IGF2BP3: variants seen among roughly 807,000 people sequenced by gnomAD.
The protein encoded by IGF2BP3 is insulin like growth factor 2 mRNA binding protein 3, also known as insulin-like growth factor 2 mRNA-binding protein 3.
In IGF2BP3, 9 loss-of-function variants were observed where a neutral mutation model predicts 73.8. The ratio of observed to expected loss-of-function variants is 0.12; its 90% CI spans 0.07 to 0.21. The LOEUF (loss-of-function observed/expected upper bound fraction) is 0.21, where lower values mean the gene tolerates loss of function less well. IGF2BP3 is among the 10% of genes least tolerant of loss of function. The pLI is 1.00. For synonymous variants in IGF2BP3, 258 were observed against 256.7 expected (o/e 1.01, Z -0.05); for missense variants, 542 against 714.0 (o/e 0.76, Z 2.75).
At chr7:23,319,445 A>G (rs1481190141) in intron 10 of IGF2BP3, among the ~76,000 whole-genome samples, 191 bp from the exon 11 acceptor site, 1 of 152,216 alleles carries the variant, frequency 6.6e-6, no homozygotes, top group African/African-American at 2.4e-5. Flanking sequence ...TCCTGAAAAC[A>G]GTGGTATTTA....
At chr7:23,393,334 A>G (rs1022827306) in intron 3 of IGF2BP3, among the ~76,000 whole-genome samples, 1 of 152,210 alleles carries the variant, frequency 6.6e-6, no homozygotes, top group African/African-American at 2.4e-5. Flanking sequence ...ATTATTAATA[A>G]CTAAAAGCTA....
intron 10 of IGF2BP3, among the ~76,000 whole-genome samples, chr7:23,322,071 G>A (rs150340329): frequency 9.3e-4 from 142 of 152,348 alleles, no homozygotes; most frequent in African/African-American, 3.0e-3. Context: ...AAAGCTGGAC[G>A]GAGAGTGACT....
rs536895424 is a variant in IGF2BP3 at position 23,336,492 on chromosome 7, C to T, written c.1203+5572G>A. Among the ~76,000 whole-genome samples, 4 of 150,400 alleles carry T rather than the reference C, an allele frequency of 2.7e-5. No individual in the cohort carries two copies. The East Asian group carries it at 7.8e-4, about 29-fold the overall frequency. ...ATCATAGACCCTCACAAACATAAAA[C>T]AGTATGTTCTTTTTTTCTCTTCTTT... is the stretch of plus-strand genomic sequence containing the variant. On this transcript the variant is annotated intron_variant, in intron 10 of 14. Coordinates refer to ENST00000258729, the MANE Select transcript of IGF2BP3 (RefSeq NM_006547.3).
In IGF2BP3 at chr7:23,406,762, T is replaced by C. The variant is rs531006588; in HGVS notation, c.285+12014A>G. 3.9e-5 allele frequency among the ~76,000 whole-genome samples: 6 copies of C among 152,330 alleles called. No individual in the cohort carries two copies. The East Asian group carries it at 7.7e-4, about 20-fold the overall frequency. ...ATTGGTCCATTTTACAGAGTGCTGA[T>C]TGGTCCATTTACAAACCCTTAGCTA... is the stretch of plus-strand genomic sequence containing the variant. On this transcript the variant is annotated intron_variant, in intron 3 of 14. Transcript: ENST00000258729.
chr7:23,448,780 A>C (rs189847223), intron 2 of IGF2BP3, among the ~76,000 whole-genome samples: 5 of 152,150 alleles, frequency 3.3e-5, no homozygotes, highest in East Asian at 3.9e-4. Context: ...ACAGGCCACA[A>C]CACCACACCT....
chr7:23,422,241 T>A (rs1787370213), intron 2 of IGF2BP3, among the ~76,000 whole-genome samples: 3 of 152,192 alleles, frequency 2.0e-5, no homozygotes, highest in African/African-American at 7.2e-5. Context: ...TTCAGGTTAA[T>A]TAGCATGTGA....
chr7:23,404,748 T>C (rs1376163788), intron 3 of IGF2BP3, among the ~76,000 whole-genome samples: 1 of 133,956 alleles, frequency 7.5e-6, no homozygotes, highest in Non-Finnish European at 1.6e-5. Flanking sequence ...GAAATCAAAA[T>C]ACGGCAAGTG....
chr7:23,426,942 T>C (rs1787528642), intron 2 of IGF2BP3, among the ~76,000 whole-genome samples: 1 of 152,246 alleles, frequency 6.6e-6, no homozygotes, highest in African/African-American at 2.4e-5. Context: ...AATATTTGGA[T>C]GCTCTGAAGC....
chr7:23,313,739 T>A, intron 12 of IGF2BP3, 86 bp from the exon 13 acceptor site: 1 of 1,341,130 alleles, frequency 7.5e-7, no homozygotes, highest in South Asian at 1.3e-5. Flanking sequence ...CAAATCCAAG[T>A]GGGATAGCCC....
Position 23,448,615 on chromosome 7 carries a change from C to CTGTTTGTT in IGF2BP3, c.236+19859_236+19866dup, listed in dbSNP as rs36159876. ...TGAGGGTCTCACTATGTTGCCCAGG[C>CTGTTTGTT]TGTTTGTTTGTTTGTTTGTTTGTTT... is the stretch of plus-strand genomic sequence containing the variant. On this transcript the variant is annotated intron_variant, in intron 2 of 14. Transcript: ENST00000258729. Among the ~76,000 whole-genome samples the CTGTTTGTT allele has an allele frequency of 1.7e-3, 263 of 151,072 alleles. 1 individual carries two copies. Among genetic ancestry groups the CTGTTTGTT allele is most frequent in the African/African-American group, 5.9e-3 (242 of 41,082 alleles).
chr7:23,378,569 G>GTTTTTTTTTTTT (rs1156868701), intron 3 of IGF2BP3, among the ~76,000 whole-genome samples: 2 of 65,884 alleles, frequency 3.0e-5, no homozygotes, highest in Non-Finnish European at 5.1e-5. Flanking sequence ...ATTTTTGCTT[G>GTTTTTTTTTTTT]TTTTTTTTTT....
chr7:23,451,246 G>T (rs1456048195), intron 2 of IGF2BP3, among the ~76,000 whole-genome samples: 2 of 151,676 alleles, frequency 1.3e-5, no homozygotes, highest in Non-Finnish European at 2.9e-5. Context: ...GGTGAAACCT[G>T]GTCTCTACTA....
At chr7:23,355,311 A>C (rs1785067999) in intron 5 of IGF2BP3, among the ~76,000 whole-genome samples, 1 of 147,750 alleles carries the variant, frequency 6.8e-6, no homozygotes, top group African/African-American at 2.5e-5. Context: ...TGCAACCTCC[A>C]CCTCCTTGGT....
chr7:23,412,272 C>T (rs1365081736), intron 3 of IGF2BP3, among the ~76,000 whole-genome samples: 2 of 152,118 alleles, frequency 1.3e-5, no homozygotes, highest in Admixed American at 6.6e-5. Flanking sequence ...CCTGAGCCAC[C>T]ATACCAGGCC....
chr7:23,430,361 C>T (rs1016078673), intron 2 of IGF2BP3, among the ~76,000 whole-genome samples: 8 of 152,204 alleles, frequency 5.3e-5, no homozygotes, highest in African/African-American at 1.4e-4. Flanking sequence ...GGAGCCACCG[C>T]GCCCAGCTGC....
chr7:23,333,391 G>A (rs1051494129), intron 10 of IGF2BP3, among the ~76,000 whole-genome samples: 1 of 152,120 alleles, frequency 6.6e-6, no homozygotes, highest in African/African-American at 2.4e-5. Flanking sequence ...AGCCTGGCCC[G>A]AACATGCATG....
intron 5 of IGF2BP3, among the ~76,000 whole-genome samples, chr7:23,352,346 T>G (rs1212613875): frequency 7.8e-6 from 1 of 128,970 alleles, no homozygotes; most frequent in South Asian, 2.7e-4. Flanking sequence ...TGGAGCGCAA[T>G]AGAGCCATCT....
intron 2 of IGF2BP3, among the ~76,000 whole-genome samples, chr7:23,437,923 G>A (rs541520837): frequency 2.0e-5 from 3 of 152,244 alleles, no homozygotes; most frequent in South Asian, 4.1e-4. Context: ...AAGTCAAAAC[G>A]CAAGTCAACG....
At chr7:23,423,485 A>G (rs1160365625) in intron 2 of IGF2BP3, among the ~76,000 whole-genome samples, 1 of 152,244 alleles carries the variant, frequency 6.6e-6, no homozygotes, top group Non-Finnish European at 1.5e-5. Context: ...TATAACTATC[A>G]GAAAATAAAT....
Sources: allele counts gnomAD v4.1 joint callset (sites outside exome capture counted in the v4.1 genomes callset), GRCh38; gene constraint gnomAD v4.1.1; transcripts MANE v1.5; gene names NCBI Gene and HGNC (gene_info 2026-07-23, HGNC 2026-07-21).